The following DGCR2 variants were observed in gnomAD, a reference collection of about 807,000 sequenced individuals.
DGCR2 encodes the protein DiGeorge syndrome critical region gene 2.
DGCR2 carries 24 observed loss-of-function variants against 51.6 expected under a neutral mutation model. That is an observed-to-expected ratio of 0.47 (90% CI 0.34 to 0.65). DGCR2 has a LOEUF of 0.65. Among genes scored for constraint, DGCR2 ranks in the 30% least tolerant of loss-of-function variants. The pLI is 0.01. For synonymous variants in DGCR2, 340 were observed against 315.4 expected, an observed-to-expected ratio of 1.08 and a Z score of -0.82; for missense variants, 765 against 772.1, an observed-to-expected ratio of 0.99 and a Z score of 0.11.
chr22:19,062,865 G>C (rs867291586), intron 5 of DGCR2, among the ~76,000 whole-genome samples: 7 of 149,666 alleles, frequency 4.7e-5, no homozygotes, highest in Non-Finnish European at 1.0e-4. Context: ...GTCCTGGCAA[G>C]CTTGTCCTCC....
intron 1 of DGCR2, among the ~76,000 whole-genome samples, chr22:19,101,565 AC>A (rs2083202096): frequency 6.6e-6 from 1 of 151,632 alleles, no homozygotes; most frequent in South Asian, 2.1e-4. Flanking sequence ...ACACGGTGAA[AC>A]CCCGTCTCTA....
At chr22:19,095,660 CA>C (rs560020507) in intron 1 of DGCR2, among the ~76,000 whole-genome samples, 164 of 65,238 alleles carry the variant, frequency 2.5e-3, no homozygotes, top group East Asian at 4.6e-3. Context: ...GACTCCGTCT[CA>C]AAAAAAAAAA....
chr22:19,095,815 A>G (rs2083134008), intron 1 of DGCR2, among the ~76,000 whole-genome samples: 1 of 152,092 alleles, frequency 6.6e-6, no homozygotes, highest in Non-Finnish European at 1.5e-5. Context: ...ACTGACCACA[A>G]GGCTAAAAAT....
intron 1 of DGCR2, among the ~76,000 whole-genome samples, chr22:19,108,341 C>T (rs940883565): frequency 1.3e-5 from 2 of 152,132 alleles, no homozygotes; most frequent in African/African-American, 4.8e-5. Flanking sequence ...AAAGCTGAGA[C>T]AGGAGGATCA....
chr22:19,068,526 G>A (rs2082776724), intron 2 of DGCR2, among the ~76,000 whole-genome samples: 1 of 152,224 alleles, frequency 6.6e-6, no homozygotes, highest in African/African-American at 2.4e-5. Flanking sequence ...AAAGGGTCCT[G>A]CATAAATTAA....
In DGCR2 at chr22:19,064,857, T is replaced by C. The variant is rs745938008; in HGVS notation, c.539A>G (p.Asp180Gly). ...CCAATCCAGGACTCACTTGCGCTGG[T>C]CCTTCCAACCAAAGCTCCGCTCGGG... is the stretch of plus-strand genomic sequence containing the variant. ...DQPERSFGWK[D>G]QRKLWVGYQY... Residue 180 changes from aspartate (D) to glycine (G), a missense_variant, in exon 4 of 10, where the codon GAC (aspartate) becomes GGC (glycine). Physicochemically the swap from Asp to Gly is moderately conservative, Grantham distance 94. Coordinates refer to ENST00000263196, the MANE Select transcript of DGCR2 (RefSeq NM_005137.3). The C allele has an allele frequency of 8.7e-6, 14 of 1,613,478 alleles. No homozygotes were observed. The African/African-American group carries it at 1.6e-4, about 18-fold the overall frequency.
chr22:19,078,895 C>T (rs565348516), intron 2 of DGCR2, among the ~76,000 whole-genome samples: 1 of 152,314 alleles, frequency 6.6e-6, no homozygotes, highest in Middle Eastern at 3.4e-3. Context: ...TTGAGAAGGA[C>T]TGATGTTAAT....
chr22:19,081,897 GTCTTTT>G (rs2082940045), intron 2 of DGCR2, among the ~76,000 whole-genome samples: 1 of 152,166 alleles, frequency 6.6e-6, no homozygotes, highest in South Asian at 2.1e-4. Flanking sequence ...AAATTTAAAT[GTCTTTT>G]TCTATGTTTA....
At chr22:19,080,617 C>A (rs1056303413) in intron 2 of DGCR2, among the ~76,000 whole-genome samples, 22 of 152,154 alleles carry the variant, frequency 1.4e-4, no homozygotes, top group Non-Finnish European at 2.9e-5. Context: ...GGCAGGATTG[C>A]TAGAGCCCCG....
At chr22:19,045,157 C>G (rs2082475149) in intron 7 of DGCR2, 1 of 152,192 alleles carries the variant, frequency 6.6e-6, no homozygotes, top group African/African-American at 2.4e-5. Context: ...GTGTAAGGTT[C>G]GTATTTTTTG....
At chr22:19,084,337 G>A (rs534636812) in intron 2 of DGCR2, among the ~76,000 whole-genome samples, 25 of 149,500 alleles carry the variant, frequency 1.7e-4, no homozygotes, top group Non-Finnish European at 2.1e-4. Context: ...CCGCCGCCCC[G>A]TCTGGGATGT....
At chr22:19,090,519 G>C (rs1010950538) in intron 1 of DGCR2, among the ~76,000 whole-genome samples, 4 of 152,198 alleles carry the variant, frequency 2.6e-5, no homozygotes, top group Non-Finnish European at 5.9e-5. Flanking sequence ...GATGTGACAT[G>C]TTAAAGTTCT....
intron 4 of DGCR2, among the ~76,000 whole-genome samples, chr22:19,063,659 G>C (rs900942536): frequency 6.6e-6 from 1 of 151,922 alleles, no homozygotes; most frequent in Non-Finnish European, 1.5e-5. Context: ...ACAACACTGA[G>C]CTTCTAACAT....
intron 5 of DGCR2, among the ~76,000 whole-genome samples, chr22:19,062,807 T>TCTCTCTCTCTCTCTCTCTCTCTC (rs397967453): frequency 6.8e-6 from 1 of 146,990 alleles, no homozygotes. Context: ...TCTCTCTCTC[T>TCTCTCTCTCTCTCTCTCTCTCTC]ATCTGCCTGA....
intron 6 of DGCR2, among the ~76,000 whole-genome samples, chr22:19,051,503 T>C (rs1247388450): frequency 6.6e-6 from 1 of 152,190 alleles, no homozygotes; most frequent in Non-Finnish European, 1.5e-5. Context: ...GGAGGATCAC[T>C]TGAGCCTAGG....
At chr22:19,065,135 C>T in intron 3 of DGCR2, 68 bp from the exon 4 acceptor site, 1 of 1,345,452 alleles carries the variant, frequency 7.4e-7, no homozygotes, top group African/African-American at 1.4e-5. Flanking sequence ...TATATGTACT[C>T]CATCAGGGAC....
intron 2 of DGCR2, among the ~76,000 whole-genome samples, chr22:19,076,461 G>A (rs970046576): frequency 4.0e-5 from 6 of 151,888 alleles, no homozygotes; most frequent in East Asian, 1.9e-4. Context: ...CACCGCGCCC[G>A]GCAGGTAATT....
intron 1 of DGCR2, among the ~76,000 whole-genome samples, chr22:19,111,393 T>C (rs768829215): frequency 2.6e-5 from 4 of 152,214 alleles, no homozygotes; most frequent in Non-Finnish European, 5.9e-5. Flanking sequence ...CCCTCTGCCA[T>C]ACAGCTCTTT....
At position 19,057,136 on chromosome 22, in the gene DGCR2, C is replaced by A; in HGVS notation, c.652G>T (p.Asp218Tyr). Residue 218 changes from aspartate to tyrosine, a missense_variant, in exon 6 of 10, where the codon GAC becomes TAC. Asp to Tyr is a radical substitution (Grantham distance 160). Around this residue, in one of 3 missense-constraint regions of DGCR2, gnomAD observed 370 missense variants for 325.5 expected, o/e 1.14. Coordinates refer to ENST00000263196, the MANE Select transcript of DGCR2 (RefSeq NM_005137.3). The surrounding 1 kb of genome is among the most constrained non-coding windows in gnomAD (Gnocchi z 5.1). ...GACATGGCCGAGGCAAAGATGGGGT[C>A]TGGGGGCAGGAACACCTCTGAAGAG... ...KGSSEVFLPP[D>Y]PIFASAMSEN... 1.2e-6 allele frequency: 2 copies of A among 1,607,854 alleles called. No homozygotes were observed. Among genetic ancestry groups the A allele is most frequent in the Non-Finnish European group, 1.7e-6 (2 of 1,177,290 alleles).
Sources: allele counts gnomAD v4.1 joint callset (sites outside exome capture counted in the v4.1 genomes callset), GRCh38; gene constraint gnomAD v4.1.1; regional missense constraint gnomAD v4.1.1; non-coding constraint Gnocchi (gnomAD v3.1); transcripts MANE v1.5; gene names NCBI Gene and HGNC (gene_info 2026-07-23, HGNC 2026-07-21).